Variants in CCDC7 observed in about 807,000 individuals in gnomAD.
The protein encoded by CCDC7 is coiled-coil domain-containing protein 7.
In CCDC7, 183 loss-of-function variants were observed where a neutral mutation model predicts 196.9. The ratio of observed to expected loss-of-function variants is 0.93; its 90% CI spans 0.82 to 1.05. CCDC7 has a LOEUF of 1.05. CCDC7 is among the 50% of genes least tolerant of loss of function. CCDC7 has a pLI of 0.00. For synonymous variants in CCDC7, 525 were observed against 484.6 expected (o/e 1.08, Z -1.10); for missense variants, 1,540 against 1,482.2 (o/e 1.04, Z -0.64).
At chr10:32,859,087 C>T (rs1223662795) in intron 41 of CCDC7, among the ~76,000 whole-genome samples, 1 of 152,158 alleles carries the variant, frequency 6.6e-6, no homozygotes, top group East Asian at 1.9e-4. Flanking sequence ...ATCTACAGAA[C>T]TCTCCACCCC....
intron 20 of CCDC7, among the ~76,000 whole-genome samples, chr10:32,661,700 C>T (rs1004594938): frequency 1.3e-5 from 2 of 152,140 alleles, no homozygotes; most frequent in East Asian, 3.9e-4. Context: ...GAACGGAGGC[C>T]TCAAAATTCT....
chr10:32,513,102 C>A (rs1725741410), intron 9 of CCDC7: 1 of 150,586 alleles, frequency 6.6e-6, no homozygotes, highest in African/African-American at 2.5e-5. Context: ...CTCAAGAAAG[C>A]ATATAAAAGG....
At chr10:32,705,190 A>G (rs2079499306) in intron 24 of CCDC7, among the ~76,000 whole-genome samples, 1 of 152,174 alleles carries the variant, frequency 6.6e-6, no homozygotes, top group African/African-American at 2.4e-5. Flanking sequence ...AAGAATTTTC[A>G]ACCCACAATT....
chr10:32,563,583 T>C (rs908718175), intron 13 of CCDC7, among the ~76,000 whole-genome samples: 1 of 152,142 alleles, frequency 6.6e-6, no homozygotes, highest in Non-Finnish European at 1.5e-5. Context: ...GTGCTGGGAA[T>C]ACTGGCCAGC....
At chr10:32,788,110 C>T (rs73255983) in intron 29 of CCDC7, among the ~76,000 whole-genome samples, 1,925 of 152,306 alleles carry the variant, frequency 0.013, 48 homozygotes, top group African/African-American at 0.044. Flanking sequence ...CCCATAGACT[C>T]AGTCTTCTGG....
rs6143863 is a variant in CCDC7, at chr10:32,582,106, CTATATATATATATATATA to C, written c.1455-911_1455-894del. On this transcript the variant is annotated intron_variant, in intron 16 of 41. Transcript: ENST00000639629. ...TCTATGTTTTTTTAAACTGTCAGCACTATATATATATATATATATATATATATATATATACTTTTTTTT... is the reference window on the plus strand; with the variant it reads ...TCTATGTTTTTTTAAACTGTCAGCACTATATATATATATATACTTTTTTTT... Among the ~76,000 whole-genome samples the C allele has an allele frequency of 7.8e-3, 807 of 103,788 alleles. 31 individuals carry two copies. Among genetic ancestry groups the C allele is most frequent in the African/African-American group, 0.022 (702 of 31,320 alleles). The allele number at this position is 103,788 out of a possible 152,430, so 68.1% of individuals were successfully genotyped here.
chr10:32,749,245 C>G (rs1260045615), intron 28 of CCDC7, among the ~76,000 whole-genome samples: 1 of 152,114 alleles, frequency 6.6e-6, no homozygotes, highest in Non-Finnish European at 1.5e-5. Context: ...GATGGAGTGA[C>G]AGTTTCTGAG....
intron 8 of CCDC7, among the ~76,000 whole-genome samples, chr10:32,486,989 G>C (rs971582445): frequency 6.6e-6 from 1 of 151,954 alleles, no homozygotes; most frequent in Non-Finnish European, 1.5e-5. Flanking sequence ...CTGTTCTCGA[G>C]GAATGTCTTT....
chr10:32,681,623 G>T (rs954413059), intron 21 of CCDC7, among the ~76,000 whole-genome samples: 3 of 152,004 alleles, frequency 2.0e-5, no homozygotes, highest in Non-Finnish European at 4.4e-5. Flanking sequence ...TTTGTGTTGG[G>T]AATCTCTATG....
chr10:32,446,261 TGAG>T (rs1368163067), exon 1 of CCDC7: 7 of 150,844 alleles, frequency 4.6e-5, no homozygotes, highest in African/African-American at 1.5e-4. Context: ...TGCTGGAGTC[TGAG>T]GAGTTTTCAG....
At chr10:32,820,307 A>T (rs557159044) in intron 31 of CCDC7, among the ~76,000 whole-genome samples, 3 of 152,236 alleles carry the variant, frequency 2.0e-5, no homozygotes, top group Non-Finnish European at 4.4e-5. Flanking sequence ...TCAGTGAAAT[A>T]AAAGAGGATA....
chr10:32,646,658 A>G (rs1025404832), intron 20 of CCDC7, among the ~76,000 whole-genome samples: 5 of 152,148 alleles, frequency 3.3e-5, no homozygotes, highest in Non-Finnish European at 7.3e-5. Flanking sequence ...GTTACACAGT[A>G]CTCAGGTTTG....
intron 16 of CCDC7, among the ~76,000 whole-genome samples, chr10:32,578,793 G>T (rs189247445): frequency 4.1e-4 from 62 of 152,224 alleles, no homozygotes; most frequent in African/African-American, 1.4e-3. Flanking sequence ...GGGGATGCCT[G>T]CTTTAAGTGA....
In CCDC7 at chr10:32,656,727, C is replaced by T. The variant is rs570881472; in HGVS notation, c.2015-7327C>T. Among the ~76,000 whole-genome samples the T allele has an allele frequency of 3.3e-5, 5 of 152,318 alleles. No homozygotes were observed. The South Asian group carries it at 1.0e-3, about 32-fold the overall frequency. ...AACCATATCATTCCACCCGGCCCCT[C>T]CCAAATCTCATGTCCTCACATTTCA... On this transcript the variant is annotated intron_variant, in intron 20 of 41. Transcript: ENST00000639629.
intron 41 of CCDC7, among the ~76,000 whole-genome samples, chr10:32,868,746 G>A (rs148564662): frequency 5.0e-5 from 6 of 121,144 alleles, no homozygotes; most frequent in African/African-American, 1.3e-4. Context: ...AGGCCCTGGC[G>A]TGTGATGTTC....
intron 20 of CCDC7, among the ~76,000 whole-genome samples, chr10:32,641,430 C>T (rs1442250102): frequency 6.6e-6 from 1 of 152,206 alleles, no homozygotes; most frequent in African/African-American, 2.4e-5. Flanking sequence ...ACCCTTTCTT[C>T]TAGTTGATCG....
At chr10:32,627,776 G>T (rs2064263494) in intron 18 of CCDC7, among the ~76,000 whole-genome samples, 1 of 151,644 alleles carries the variant, frequency 6.6e-6, no homozygotes, top group African/African-American at 2.4e-5. Flanking sequence ...ATGATCATGT[G>T]CTTTTTGTCC....
At chr10:32,601,362 C>T (rs955166270) in intron 18 of CCDC7, among the ~76,000 whole-genome samples, 24 of 152,230 alleles carry the variant, frequency 1.6e-4, no homozygotes, top group Middle Eastern at 3.2e-3. Context: ...TGAGCTACCA[C>T]ACCCGGCCCT....
At chr10:32,515,482 A>G (rs1445938842) in intron 9 of CCDC7, among the ~76,000 whole-genome samples, 1 of 152,204 alleles carries the variant, frequency 6.6e-6, no homozygotes, top group African/African-American at 2.4e-5. Flanking sequence ...AGTCTTTTTA[A>G]TAAATGGTAC....
Sources: allele counts gnomAD v4.1 joint callset (sites outside exome capture counted in the v4.1 genomes callset), GRCh38; gene constraint gnomAD v4.1.1; transcripts MANE v1.5; gene names NCBI Gene and HGNC (gene_info 2026-07-23, HGNC 2026-07-21).